The following ASIC2 variants were observed in gnomAD, a reference collection of about 807,000 sequenced individuals.
ASIC2 encodes the protein acid sensing ion channel subunit 2.
ASIC2 carries 25 observed loss-of-function variants against 57.3 expected under a neutral mutation model. The ratio of observed to expected loss-of-function variants is 0.44; its 90% CI spans 0.32 to 0.61. The LOEUF (loss-of-function observed/expected upper bound fraction) is 0.61. ASIC2 is among the 20% of genes least tolerant of loss of function. The probability of loss-of-function intolerance (pLI) is 0.06; values close to 1 mark genes in which losing one functional copy is unlikely to be tolerated. For missense variants in ASIC2, 641 were observed against 738.1 expected, an observed-to-expected ratio of 0.87 and a Z score of 1.52; for synonymous variants, 319 against 307.5, an observed-to-expected ratio of 1.04 and a Z score of -0.39.
intron 1 of ASIC2, among the ~76,000 whole-genome samples, chr17:34,044,457 G>A (rs778222334): frequency 9.8e-5 from 15 of 152,290 alleles, no homozygotes; most frequent in Admixed American, 2.0e-4. Context: ...TTCAGAAGCA[G>A]AGAACGGAGA....
In ASIC2 at chr17:33,965,186, G is replaced by C. The variant is rs562717759; in HGVS notation, c.555+190792C>G. On this transcript the variant is annotated intron_variant, in intron 1 of 9. Transcript: ENST00000359872. ...TGTACTAGCTAATGGGAAAAGTGCT[G>C]ATATTCCACTTTATAGATGAGCAAA... Among the ~76,000 whole-genome samples the C allele has an allele frequency of 2.6e-5, 4 of 152,316 alleles. No homozygotes were observed. In the South Asian group the frequency reaches 8.3e-4, roughly 32 times the overall value.
intron 1 of ASIC2, among the ~76,000 whole-genome samples, chr17:33,940,162 T>C (rs1916153801): frequency 6.6e-6 from 1 of 152,196 alleles, no homozygotes; most frequent in East Asian, 1.9e-4. Context: ...CGTGCCCAAC[T>C]CCGAGGATCA....
intron 1 of ASIC2, among the ~76,000 whole-genome samples, chr17:33,390,706 G>C (rs1008533604): frequency 6.6e-6 from 1 of 152,230 alleles, no homozygotes; most frequent in African/African-American, 2.4e-5. Context: ...CCTCTCCACA[G>C]GGCAGCTCAT....
chr17:33,530,528 A>G lies in ASIC2; in HGVS notation c.556-418461T>C, dbSNP rs16968499. 4.6e-3 allele frequency among the ~76,000 whole-genome samples: 698 copies of G among 152,316 alleles called. 6 individuals carry two copies. Among genetic ancestry groups the G allele is most frequent in the African/African-American group, 0.016 (670 of 41,582 alleles). ...CACTGCCAGACCTTTTAATGAAACC[A>G]CTTAATTGGCATGAACATAGGCGAG... On this transcript the variant is annotated intron_variant, in intron 1 of 9. Transcript: ENST00000359872.
Position 33,996,142 on chromosome 17 carries a change from A to T in ASIC2, c.555+159836T>A, listed in dbSNP as rs191981490. ...TTTCATATACCTTTAGGCCATTTGT[A>T]TGTATTCCTTTGAAAAATGCCATAT... On this transcript the variant is annotated intron_variant, in intron 1 of 9. Transcript: ENST00000359872. Among the ~76,000 whole-genome samples, 1,239 of 152,100 alleles carry T rather than the reference A, an allele frequency of 8.1e-3. 6 individuals carry two copies. Among genetic ancestry groups the T allele is most frequent in the South Asian group, 0.025 (118 of 4,816 alleles).
chr17:33,501,263 G>A (rs1914092965), intron 1 of ASIC2, among the ~76,000 whole-genome samples: 1 of 152,232 alleles, frequency 6.6e-6, no homozygotes, highest in African/African-American at 2.4e-5. Flanking sequence ...GTCATCCACT[G>A]TGTCTCATTG....
At chr17:33,548,666 A>G (rs955728736) in intron 1 of ASIC2, among the ~76,000 whole-genome samples, 1 of 152,102 alleles carries the variant, frequency 6.6e-6, no homozygotes. Flanking sequence ...CATTGCATAA[A>G]TTCCAAATCC....
chr17:33,494,959 C>T (rs1035780171), intron 1 of ASIC2, among the ~76,000 whole-genome samples: 26 of 152,318 alleles, frequency 1.7e-4, no homozygotes, highest in African/African-American at 6.3e-4. Context: ...TACTCTTGTT[C>T]TCTCAGAAGT....
At chr17:33,731,924 A>G (rs1420209803) in intron 1 of ASIC2, among the ~76,000 whole-genome samples, 1 of 152,214 alleles carries the variant, frequency 6.6e-6, no homozygotes, top group African/African-American at 2.4e-5. Flanking sequence ...TGTGTACCCA[A>G]CAGGGGAGGG....
At chr17:33,744,100 G>A (rs1910190621) in intron 1 of ASIC2, among the ~76,000 whole-genome samples, 1 of 152,088 alleles carries the variant, frequency 6.6e-6, no homozygotes, top group South Asian at 2.1e-4. Context: ...ACAGAACATG[G>A]GGAAGTTCAA....
chr17:33,791,534 G>A (rs56277496), intron 1 of ASIC2, among the ~76,000 whole-genome samples: 5,974 of 152,198 alleles, frequency 0.039, 264 homozygotes, highest in African/African-American at 0.12. Context: ...TTGAGGGAGA[G>A]ACAAATTTGA....
chr17:33,417,501 G>A (rs1386772109), intron 1 of ASIC2, among the ~76,000 whole-genome samples: 3 of 152,200 alleles, frequency 2.0e-5, no homozygotes, highest in South Asian at 2.1e-4. Flanking sequence ...AATGCCTTTC[G>A]GTAAAAAGAC....
intron 1 of ASIC2, among the ~76,000 whole-genome samples, chr17:33,504,622 G>C (rs957222741): frequency 6.6e-6 from 1 of 152,212 alleles, no homozygotes; most frequent in Admixed American, 6.5e-5. Flanking sequence ...TTATAGGCGT[G>C]AGCCACTGTA....
intron 1 of ASIC2, chr17:33,635,197 T>C (rs1039378794): frequency 1.3e-5 from 2 of 152,156 alleles, no homozygotes; most frequent in Non-Finnish European, 2.9e-5. Context: ...TGAAATTAGG[T>C]TGAACTAGAT....
At chr17:33,460,193 A>G (rs1260202020) in intron 1 of ASIC2, among the ~76,000 whole-genome samples, 1 of 152,046 alleles carries the variant, frequency 6.6e-6, no homozygotes, top group Non-Finnish European at 1.5e-5. Context: ...TCGGGTATTG[A>G]CCCCACTCTT....
chr17:33,360,251 G>A (rs183265748), intron 1 of ASIC2, among the ~76,000 whole-genome samples: 87 of 152,302 alleles, frequency 5.7e-4, no homozygotes, highest in African/African-American at 2.0e-3. Context: ...AAAATAAATG[G>A]TTGAATAAAT....
At chr17:34,042,336 A>G (rs959951258) in intron 1 of ASIC2, among the ~76,000 whole-genome samples, 3 of 152,214 alleles carry the variant, frequency 2.0e-5, no homozygotes, top group African/African-American at 4.8e-5. Context: ...ATCCATCAAC[A>G]TGTGAATGAT....
chr17:33,255,180 C>T (rs1035811762), intron 1 of ASIC2, among the ~76,000 whole-genome samples: 3 of 151,788 alleles, frequency 2.0e-5, no homozygotes, highest in Admixed American at 2.0e-4. Context: ...GCTGGGACTA[C>T]AGGTATGCAC....
At chr17:33,201,363 G>C (rs920400375) in intron 1 of ASIC2, among the ~76,000 whole-genome samples, 1 of 152,200 alleles carries the variant, frequency 6.6e-6, no homozygotes, top group Non-Finnish European at 1.5e-5. Flanking sequence ...GCCTGGGACT[G>C]AGGGGGAGGT....
Sources: allele counts gnomAD v4.1 joint callset (sites outside exome capture counted in the v4.1 genomes callset), GRCh38; gene constraint gnomAD v4.1.1; transcripts MANE v1.5; gene names NCBI Gene and HGNC (gene_info 2026-07-23, HGNC 2026-07-21).